Variants in ATP2B4 observed in about 807,000 individuals in gnomAD.
ATP2B4 encodes ATPase plasma membrane Ca2+ transporting 4.
In ATP2B4, 39 loss-of-function variants were observed where a neutral mutation model predicts 110.3. The ratio of observed to expected loss-of-function variants is 0.35; its 90% confidence interval spans 0.27 to 0.46. The LOEUF (loss-of-function observed/expected upper bound fraction) is 0.46, where lower values mean the gene tolerates loss of function less well. ATP2B4 is among the 20% of genes least tolerant of loss of function. The probability of loss-of-function intolerance (pLI) is 1.00; values close to 1 mark genes in which losing one functional copy is unlikely to be tolerated. For synonymous variants in ATP2B4, 538 were observed against 571.7 expected (o/e 0.94, Z 0.84); for missense variants, 1,135 against 1,530.9 (o/e 0.74, Z 4.32).
intron 1 of ATP2B4, among the ~76,000 whole-genome samples, chr1:203,639,356 G>A (rs889744469): frequency 8.5e-5 from 13 of 152,284 alleles, no homozygotes; most frequent in Admixed American, 4.6e-4. Context: ...CTATGTTAAG[G>A]GTTTGGGAAG....
Position 203,683,227 on chromosome 1 carries a change from G to A in ATP2B4, c.22G>A (p.Val8Ile), listed in dbSNP as rs1449603876. 1.9e-6 allele frequency: 3 copies of A among 1,614,058 alleles called. No homozygotes were observed. Among genetic ancestry groups the A allele is most frequent in the East Asian group, 4.5e-5 (2 of 44,898 alleles). Residue 8 changes from valine (V) to isoleucine (I), a missense_variant, in exon 2 of 21, where the codon GTC becomes ATC. Transcript: ENST00000357681. MTNPSDRVLPANSMAESR... is the reference protein window; with the variant it reads MTNPSDRILPANSMAESR... ...CAAAATGACGAACCCATCAGACCGT[G>A]TCTTGCCTGCCAACTCGATGGCCGA... is the stretch of plus-strand genomic sequence containing the variant.
intron 19 of ATP2B4, among the ~76,000 whole-genome samples, chr1:203,725,426 G>A (rs1317610608): frequency 6.6e-6 from 1 of 152,178 alleles, no homozygotes; most frequent in Admixed American, 6.6e-5. Flanking sequence ...TAGGATTACA[G>A]GCCTGAGCCA....
chr1:203,689,110 T>A (rs566635515), intron 2 of ATP2B4, among the ~76,000 whole-genome samples: 1 of 152,372 alleles, frequency 6.6e-6, no homozygotes, highest in East Asian at 1.9e-4. Flanking sequence ...TTGGTTGGTA[T>A]AGGCTAGAAG....
chr1:203,689,517 T>C (rs977385319), intron 2 of ATP2B4, among the ~76,000 whole-genome samples: 3 of 152,360 alleles, frequency 2.0e-5, no homozygotes, highest in Non-Finnish European at 4.4e-5. Context: ...CTGAAGGCTA[T>C]TTTGGTTGAA....
chr1:203,644,241 C>A (rs1011372295), intron 1 of ATP2B4, among the ~76,000 whole-genome samples: 40 of 135,244 alleles, frequency 3.0e-4, no homozygotes, highest in Non-Finnish European at 1.1e-4. Context: ...CAGAGCAAGA[C>A]TCCATCTTAA....
chr1:203,735,002 C>CAAAAAAAAAAAAAA (rs35552196), intron 20 of ATP2B4, among the ~76,000 whole-genome samples: 17 of 57,118 alleles, frequency 3.0e-4, no homozygotes, highest in Non-Finnish European at 4.2e-4. Context: ...GACTCCATCT[C>CAAAAAAAAAAAAAA]AAAAAAAAAA....
At chr1:203,678,641 C>T (rs1026132434) in intron 1 of ATP2B4, among the ~76,000 whole-genome samples, 6 of 152,176 alleles carry the variant, frequency 3.9e-5, no homozygotes, top group South Asian at 2.1e-4. Context: ...TGAGTTCAAG[C>T]GATTCTCCCG....
At position 203,710,944 on chromosome 1, in the gene ATP2B4, G is replaced by C; in HGVS notation, c.1867G>C (p.Val623Leu). The change falls in exon 12 of 21, where the codon GTA becomes CTA. Residue 623 changes from valine (V) to leucine (L), a missense_variant. Val to Leu is a conservative substitution (Grantham distance 32, BLOSUM62 1). Coordinates refer to ENST00000357681, the MANE Select transcript of ATP2B4 (RefSeq NM_001684.5). ...PFKNKDRDDM[V>L]RTVIEPMACD... ...CAAGAATAAAGACAGAGATGATATG[G>C]TACGCACTGTCATCGAGCCCATGGC... is the stretch of plus-strand genomic sequence containing the variant. 1 of 1,614,106 alleles carries C rather than the reference G, an allele frequency of 6.2e-7. No individual in the cohort carries two copies. The highest frequency in any genetic ancestry group is 8.5e-7 in the Non-Finnish European group (1 of 1,180,002).
At chr1:203,683,666 C>CTTTTTTTTT (rs11326748) in intron 2 of ATP2B4, among the ~76,000 whole-genome samples, 480 of 77,616 alleles carry the variant, frequency 6.2e-3, no homozygotes, top group African/African-American at 9.8e-3. Context: ...TCTTTTGTTT[C>CTTTTTTTTT]TTTTTTTTTT....
At chr1:203,725,982 T>C (rs151022540) in intron 19 of ATP2B4, among the ~76,000 whole-genome samples, 3 of 140,570 alleles carry the variant, frequency 2.1e-5, no homozygotes, top group African/African-American at 5.4e-5. Context: ...TCCCAACACT[T>C]TGGGAGGCTG....
intron 1 of ATP2B4, among the ~76,000 whole-genome samples, chr1:203,663,218 T>C (rs1440923268): frequency 1.3e-5 from 2 of 152,238 alleles, no homozygotes; most frequent in African/African-American, 4.8e-5. Flanking sequence ...TGTACTATAA[T>C]CATAGGCCTT....
At chr1:203,676,419 G>A (rs1038430123) in intron 1 of ATP2B4, among the ~76,000 whole-genome samples, 1 of 152,116 alleles carries the variant, frequency 6.6e-6, no homozygotes, top group African/African-American at 2.4e-5. Context: ...TGATAAGGAG[G>A]CGGGCAGAAC....
At chr1:203,692,939 C>T (rs1011880665) in intron 2 of ATP2B4, among the ~76,000 whole-genome samples, 3 of 152,210 alleles carry the variant, frequency 2.0e-5, no homozygotes, top group Admixed American at 6.5e-5. Flanking sequence ...TCTCCCAGCT[C>T]ATGTGTTCAG....
chr1:203,700,162 CT>C, intron 4 of ATP2B4, 43 bp from the exon 5 acceptor site: 1 of 1,591,346 alleles, frequency 6.3e-7, no homozygotes, highest in East Asian at 2.2e-5. Context: ...CAGCCAGTCT[CT>C]TACTATCTCC....
chr1:203,646,274 C>T (rs536974109), intron 1 of ATP2B4, among the ~76,000 whole-genome samples: 14 of 152,066 alleles, frequency 9.2e-5, no homozygotes, highest in African/African-American at 3.1e-4. Context: ...TATCCAAGTT[C>T]CCACAGCTAC....
At chr1:203,736,331 G>A (rs1411148468) in intron 20 of ATP2B4, among the ~76,000 whole-genome samples, 8 of 152,086 alleles carry the variant, frequency 5.3e-5, no homozygotes, top group African/African-American at 1.2e-4. Flanking sequence ...AGCTGAGTGC[G>A]GTGGCGCACG....
intron 1 of ATP2B4, among the ~76,000 whole-genome samples, chr1:203,672,083 G>A (rs1000583665): frequency 2.0e-5 from 3 of 152,202 alleles, no homozygotes; most frequent in Non-Finnish European, 2.9e-5. Context: ...TCTCTTATCC[G>A]TAATATAAGT....
chr1:203,703,419 C>A (rs964270323), intron 7 of ATP2B4, among the ~76,000 whole-genome samples: 11 of 152,144 alleles, frequency 7.2e-5, no homozygotes, highest in Non-Finnish European at 1.0e-4. Context: ...GAAATCCATA[C>A]CCTAAAAGCA....
rs139358374 is a variant in ATP2B4 at position 203,722,637 on chromosome 1, T to C, written c.2972T>C (p.Ile991Thr). ...GGAGAGAAGAACGTCTTTTCAGGCA[T>C]CTACCGCAACATTATCTTCTGCTCT... ...IHGEKNVFSG[I>T]YRNIIFCSVV... is the part of the protein sequence containing the mutation. Residue 991 changes from isoleucine to threonine, a missense_variant, in exon 18 of 21, where the codon ATC (isoleucine) becomes ACC (threonine). Physicochemically the swap from Ile to Thr is moderately conservative, Grantham distance 89. Coordinates refer to ENST00000357681, the MANE Select transcript of ATP2B4 (RefSeq NM_001684.5). 3.1e-6 allele frequency: 5 copies of C among 1,614,094 alleles called. No individual in the cohort carries two copies. The African/African-American group carries it at 6.7e-5, about 22-fold the overall frequency.
Sources: gnomAD v4.1 joint callset for allele counts (sites outside exome capture counted in the v4.1 genomes callset) on GRCh38, gnomAD v4.1.1 for gene constraint, MANE v1.5 for transcripts, NCBI Gene and HGNC (gene_info 2026-07-23, HGNC 2026-07-21) for gene names.